The following C1QTNF7 variants were observed in gnomAD, a reference collection of about 807,000 sequenced individuals.
C1QTNF7 encodes the protein complement C1q tumor necrosis factor-related protein 7.
C1QTNF7 carries 15 observed loss-of-function variants against 19.6 expected under a neutral mutation model. The observed-to-expected ratio is 0.76, with a 90% CI of 0.51 to 1.18. The LOEUF is 1.18. C1QTNF7 is among the 50% of genes most tolerant of loss of function. The pLI, the probability that C1QTNF7 is intolerant of heterozygous loss-of-function variation, is 0.00. For synonymous variants in C1QTNF7, 142 were observed against 137.5 expected (o/e 1.03, Z -0.23); for missense variants, 324 against 359.7 (o/e 0.90, Z 0.80).
chr4:15,438,141 C>A (rs1324484150), intron 2 of C1QTNF7, among the ~76,000 whole-genome samples: 2 of 152,108 alleles, frequency 1.3e-5, no homozygotes, highest in African/African-American at 2.4e-5. Context: ...TAATTATAAT[C>A]AGCAATAAAA....
chr4:15,394,271 G>C (rs927536243), intron 1 of C1QTNF7, among the ~76,000 whole-genome samples: 3 of 152,240 alleles, frequency 2.0e-5, no homozygotes, highest in African/African-American at 4.8e-5. Flanking sequence ...AGGGCAGATT[G>C]TATAGGCTTT....
chr4:15,392,364 C>T (rs563206502), intron 1 of C1QTNF7, among the ~76,000 whole-genome samples: 27 of 152,282 alleles, frequency 1.8e-4, no homozygotes, highest in Admixed American at 7.2e-4. Context: ...ACAGCGTCCT[C>T]GCAGAACCAA....
rs1346317942 is a variant in C1QTNF7 at position 15,443,470 on chromosome 4, AT to A, written c.*674del. 1 of 152,226 alleles carries A rather than the reference AT, an allele frequency of 6.6e-6. No individual in the cohort carries two copies. Among genetic ancestry groups the A allele is most frequent in the Non-Finnish European group, 1.5e-5 (1 of 68,054 alleles). 9.4% of individuals were successfully genotyped at this position (152,226 alleles called of 1,614,324 possible). ...GATGAGCAGCATAGCAAACAGATGG[AT>A]TTGAAGCTAAAAGCACACAGGGTCT... On this transcript the variant is annotated 3_prime_UTR_variant, in exon 3 of 3. Transcript: ENST00000444304.
intron 1 of C1QTNF7, among the ~76,000 whole-genome samples, chr4:15,372,033 T>C (rs988757135): frequency 3.9e-5 from 6 of 152,194 alleles, no homozygotes; most frequent in African/African-American, 1.2e-4. Context: ...TGGTTTACAT[T>C]TGGTCACTGC....
chr4:15,380,828 G>A (rs1372428517), intron 1 of C1QTNF7, among the ~76,000 whole-genome samples: 1 of 152,050 alleles, frequency 6.6e-6, no homozygotes, highest in Non-Finnish European at 1.5e-5. Flanking sequence ...CCAGCTACTG[G>A]GGAGGCTGAG....
chr4:15,387,615 T>A (rs925503974), intron 1 of C1QTNF7, among the ~76,000 whole-genome samples: 1 of 152,010 alleles, frequency 6.6e-6, no homozygotes, highest in East Asian at 1.9e-4. Context: ...AGAAGCCTGA[T>A]GGGGTGGCTT....
At chr4:15,425,822 C>A (rs1712018463), upstream of C1QTNF7, among the ~76,000 whole-genome samples, 3 of 152,102 alleles carry the variant, frequency 2.0e-5, no homozygotes. Context: ...TAAAATACTT[C>A]TACCACCTAG....
At chr4:15,351,401 T>C (rs140229607) in intron 1 of C1QTNF7, among the ~76,000 whole-genome samples, 167 of 152,238 alleles carry the variant, frequency 1.1e-3, no homozygotes, top group African/African-American at 3.7e-3. Flanking sequence ...AATTATAAGA[T>C]TTGCATCTTT....
At chr4:15,363,308 G>A (rs1717405689) in intron 1 of C1QTNF7, among the ~76,000 whole-genome samples, 1 of 151,806 alleles carries the variant, frequency 6.6e-6, no homozygotes, top group South Asian at 2.1e-4. Context: ...TTAAAGACAT[G>A]TTTAATTGTT....
At chr4:15,438,030 A>G (rs909218800) in intron 2 of C1QTNF7, among the ~76,000 whole-genome samples, 4 of 152,226 alleles carry the variant, frequency 2.6e-5, no homozygotes, top group African/African-American at 9.6e-5. Flanking sequence ...ATATACAGAC[A>G]TAATTAAAAT....
In C1QTNF7 at chr4:15,442,895, G is replaced by A; in HGVS notation, c.*96G>A. 1 of 1,274,876 alleles carries A rather than the reference G, an allele frequency of 7.8e-7. No homozygotes were observed. The highest frequency in any genetic ancestry group is 1.1e-6 in the Non-Finnish European group (1 of 937,894). The allele number at this position is 1,274,876 out of a possible 1,614,324, so 79.0% of individuals were successfully genotyped here. On this transcript the variant is annotated 3_prime_UTR_variant, in exon 3 of 3. Transcript: ENST00000444304. ...TGGGATCCAAAGAGACTCCCACTCA[G>A]ATTCTAAAGCATTTAAAGACAATTC...
At chr4:15,379,386 A>G (rs1436160531) in intron 1 of C1QTNF7, among the ~76,000 whole-genome samples, 3 of 152,218 alleles carry the variant, frequency 2.0e-5, no homozygotes, top group African/African-American at 7.2e-5. Context: ...TCGAACACTT[A>G]CTTTTATGAC....
chr4:15,420,680 A>G (rs1399088576), intron 1 of C1QTNF7, among the ~76,000 whole-genome samples: 1 of 152,148 alleles, frequency 6.6e-6, no homozygotes, highest in Non-Finnish European at 1.5e-5. Context: ...GCCCAAGGCA[A>G]TTTGCCCAAG....
At chr4:15,430,002 G>C (rs938257411) in intron 1 of C1QTNF7, among the ~76,000 whole-genome samples, 7 of 152,026 alleles carry the variant, frequency 4.6e-5, no homozygotes, top group Admixed American at 1.3e-4. Flanking sequence ...TGTTTTCCAG[G>C]ATTTCAATCT....
At chr4:15,381,665 T>C (rs1335127685) in intron 1 of C1QTNF7, 1 of 152,180 alleles carries the variant, frequency 6.6e-6, no homozygotes, top group Non-Finnish European at 1.5e-5. Flanking sequence ...ATAAATAAGA[T>C]ATATAAATTG....
intron 1 of C1QTNF7, among the ~76,000 whole-genome samples, chr4:15,353,134 T>C (rs1216661976): frequency 6.6e-6 from 1 of 152,198 alleles, no homozygotes; most frequent in Non-Finnish European, 1.5e-5. Flanking sequence ...GACGGGGGAA[T>C]GAGCAAAATA....
At chr4:15,411,716 C>T (rs889888643) in intron 1 of C1QTNF7, among the ~76,000 whole-genome samples, 9 of 152,222 alleles carry the variant, frequency 5.9e-5, no homozygotes, top group African/African-American at 1.4e-4. Context: ...TTTTCTATAA[C>T]GGCTATAACA....
At chr4:15,350,190 GAAGGA>G in intron 1 of C1QTNF7, among the ~76,000 whole-genome samples, 2 of 121,884 alleles carry the variant, frequency 1.6e-5, no homozygotes, top group African/African-American at 3.0e-5. Context: ...AGGCAGGAAG[GAAGGA>G]AGGGAAGAAG....
chr4:15,394,143 T>C (rs1718690636), intron 1 of C1QTNF7, among the ~76,000 whole-genome samples: 1 of 152,188 alleles, frequency 6.6e-6, no homozygotes. Flanking sequence ...GAAAGTCCCA[T>C]GCAAAGGCCC....
Sources: gnomAD v4.1 joint callset for allele counts (sites outside exome capture counted in the v4.1 genomes callset) on GRCh38, gnomAD v4.1.1 for gene constraint, MANE v1.5 for transcripts, NCBI Gene and HGNC (gene_info 2026-07-23, HGNC 2026-07-21) for gene names.